Variants in PTPRN2 observed in about 807,000 individuals in gnomAD.
The protein encoded by PTPRN2 is receptor-type tyrosine-protein phosphatase N2.
In PTPRN2, 74 loss-of-function variants were observed where a neutral mutation model predicts 118.8. The observed-to-expected ratio is 0.62, with a 90% CI of 0.52 to 0.76. PTPRN2 has a LOEUF of 0.76. Ranked by LOEUF, PTPRN2 falls within the 30% of genes least tolerant of loss-of-function variation. The pLI is 0.00. For missense variants in PTPRN2, 1,481 were observed against 1,394.4 expected, an observed-to-expected ratio of 1.06 and a Z score of -0.99; for synonymous variants, 641 against 608.0, an observed-to-expected ratio of 1.05 and a Z score of -0.80.
intron 3 of PTPRN2, among the ~76,000 whole-genome samples, chr7:158,311,424 C>G (rs915526400): frequency 1.4e-4 from 21 of 151,958 alleles, no homozygotes; most frequent in Admixed American, 4.6e-4. Context: ...CATTTAAATG[C>G]TGAATTTTAA....
intron 11 of PTPRN2, among the ~76,000 whole-genome samples, chr7:157,963,494 T>C (rs1030741617): frequency 1.3e-5 from 2 of 152,270 alleles, no homozygotes; most frequent in African/African-American, 2.4e-5. Context: ...AGTAATCACA[T>C]AGATACGTGT....
chr7:158,335,970 G>C (rs372344028), intron 2 of PTPRN2, among the ~76,000 whole-genome samples: 6 of 4,102 alleles, frequency 1.5e-3, no homozygotes, highest in East Asian at 4.7e-3. Flanking sequence ...CACACCCACA[G>C]TCTCACCATA....
chr7:158,214,397 T>TACACACACACACAC (rs144370539), intron 3 of PTPRN2, among the ~76,000 whole-genome samples: 2 of 145,762 alleles, frequency 1.4e-5, no homozygotes, highest in South Asian at 2.3e-4. Context: ...CACCAGCGTG[T>TACACACACACACAC]ACACACACAC....
At chr7:157,722,470 G>C (rs1799294866) in intron 12 of PTPRN2, among the ~76,000 whole-genome samples, 1 of 152,186 alleles carries the variant, frequency 6.6e-6, no homozygotes, top group South Asian at 2.1e-4. Flanking sequence ...GTTGGGAAAG[G>C]TGCGTGGCTC....
chr7:157,581,069 ACCTGCACACCCGAGCC>A, intron 17 of PTPRN2, among the ~76,000 whole-genome samples: 1 of 96,244 alleles, frequency 1.0e-5, no homozygotes, highest in African/African-American at 4.2e-5. Flanking sequence ...ACACCCCAGC[ACCTGCACACCCGAGCC>A]CCTGCACACT....
intron 1 of PTPRN2, among the ~76,000 whole-genome samples, chr7:158,543,125 A>G (rs770613850): frequency 6.6e-5 from 10 of 152,264 alleles, no homozygotes; most frequent in Non-Finnish European, 1.3e-4. Context: ...TCTGCTTTAA[A>G]AAGGCTGCTC....
At chr7:158,475,478 C>T (rs1179886017) in intron 2 of PTPRN2, among the ~76,000 whole-genome samples, 3 of 152,106 alleles carry the variant, frequency 2.0e-5, no homozygotes, top group African/African-American at 2.4e-5. Context: ...CTTAACAAGC[C>T]AGCCGTGCAC....
At chr7:158,139,250 G>C (rs1819138490) in intron 6 of PTPRN2, among the ~76,000 whole-genome samples, 1 of 152,162 alleles carries the variant, frequency 6.6e-6, no homozygotes, top group African/African-American at 2.4e-5. Context: ...AGAGATGTGT[G>C]CACCCGCTGC....
intron 10 of PTPRN2, among the ~76,000 whole-genome samples, chr7:158,092,025 T>G (rs1814216150): frequency 2.4e-5 from 3 of 123,154 alleles, no homozygotes; most frequent in Non-Finnish European, 3.4e-5. Flanking sequence ...GATGGTTGGG[T>G]AGAGAGATGG....
chr7:157,540,641 A>T lies in PTPRN2; in HGVS notation c.*73T>A, dbSNP rs537250573. 3.5e-4 allele frequency: 460 copies of T among 1,302,170 alleles called. No individual in the cohort carries two copies. In the African/African-American group the frequency reaches 6.0e-3, roughly 17 times the overall value. 80.7% of individuals were successfully genotyped at this position (1,302,170 alleles called of 1,614,324 possible). A position where few individuals can be genotyped will look rare whatever the true frequency, so the allele number is the denominator to read the frequency against. ...TATGCAGTTATAATAGAAGACACAC[A>T]ATTAAAGTCAGATCATGATTCCTGA... On this transcript the variant is annotated 3_prime_UTR_variant, in exon 23 of 23. Transcript: ENST00000389418.
chr7:157,685,676 G>A (rs1023046440), intron 12 of PTPRN2, among the ~76,000 whole-genome samples: 2 of 152,210 alleles, frequency 1.3e-5, no homozygotes, highest in Non-Finnish European at 2.9e-5. Flanking sequence ...CCGCACGCGC[G>A]GGAGCGGAAC....
intron 2 of PTPRN2, among the ~76,000 whole-genome samples, chr7:158,397,211 T>C (rs900667315): frequency 2.0e-5 from 3 of 152,196 alleles, no homozygotes; most frequent in Non-Finnish European, 2.9e-5. Context: ...TCAGAGAGGC[T>C]CACTTCCTGG....
chr7:157,838,158 C>CCG (rs1808109037), intron 12 of PTPRN2, among the ~76,000 whole-genome samples: 2 of 149,468 alleles, frequency 1.3e-5, no homozygotes, highest in African/African-American at 5.0e-5. Flanking sequence ...CTCCTCTCCA[C>CCG]TATGCCTACT....
intron 1 of PTPRN2, among the ~76,000 whole-genome samples, chr7:158,547,546 G>C (rs1392287544): frequency 1.3e-5 from 2 of 152,238 alleles, no homozygotes; most frequent in African/African-American, 4.8e-5. Flanking sequence ...TGCTGTCGCA[G>C]AGGTCAGGGC....
intron 12 of PTPRN2, among the ~76,000 whole-genome samples, chr7:157,829,412 G>C (rs1281180094): frequency 6.6e-6 from 1 of 152,174 alleles, no homozygotes; most frequent in African/African-American, 2.4e-5. Flanking sequence ...CTTTTTGTGG[G>C]GTCACCCTGA....
chr7:158,384,920 C>T (rs142121578), intron 2 of PTPRN2, among the ~76,000 whole-genome samples: 142 of 152,086 alleles, frequency 9.3e-4, no homozygotes, highest in African/African-American at 2.9e-3. Context: ...ATCACCTGCC[C>T]GCCCTCACAG....
chr7:158,059,802 G>A (rs1387591837), intron 11 of PTPRN2, among the ~76,000 whole-genome samples: 1 of 133,476 alleles, frequency 7.5e-6, no homozygotes. Context: ...TGCCCACGGT[G>A]AGACATCACT....
intron 4 of PTPRN2, among the ~76,000 whole-genome samples, chr7:158,196,877 T>C (rs777168783): frequency 6.6e-6 from 1 of 152,322 alleles, no homozygotes; most frequent in Admixed American, 6.5e-5. Flanking sequence ...AAAGGTAGAC[T>C]TATGGCTCTC....
chr7:158,135,567 G>A (rs1818735980), intron 8 of PTPRN2, among the ~76,000 whole-genome samples: 1 of 152,138 alleles, frequency 6.6e-6, no homozygotes, highest in South Asian at 2.1e-4. Context: ...TTCCACGCAT[G>A]GAGGATGAAA....
Sources: allele counts gnomAD v4.1 joint callset (sites outside exome capture counted in the v4.1 genomes callset), GRCh38; gene constraint gnomAD v4.1.1; transcripts MANE v1.5; gene names NCBI Gene and HGNC (gene_info 2026-07-23, HGNC 2026-07-21).